Variants in PDGFRB observed in about 807,000 individuals in gnomAD.
PDGFRB encodes the protein platelet derived growth factor receptor beta.
PDGFRB carries 42 observed loss-of-function variants against 120.2 expected under a neutral mutation model. The observed-to-expected ratio is 0.35, with a 90% CI of 0.27 to 0.45. The LOEUF (loss-of-function observed/expected upper bound fraction) is 0.45, where lower values mean the gene tolerates loss of function less well. Among genes scored for constraint, PDGFRB ranks in the 20% least tolerant of loss-of-function variants. The probability of loss-of-function intolerance (pLI) is 1.00; values close to 1 mark genes in which losing one functional copy is unlikely to be tolerated. For synonymous variants in PDGFRB, 586 were observed against 606.8 expected (o/e 0.97, Z 0.50); for missense variants, 1,149 against 1,476.3 (o/e 0.78, Z 3.63).
In PDGFRB at chr5:150,126,873, C is replaced by G. The variant is rs143975754; in HGVS notation, c.1580-259G>C. Reference sequence around the variant, plus strand: ...TCCACGTCCCTTCAGCCCTGCCAGTCAGTCTGGCCTTGCTGCCAGAGCTCT... The same window carrying G: ...TCCACGTCCCTTCAGCCCTGCCAGTGAGTCTGGCCTTGCTGCCAGAGCTCT... On this transcript the variant is annotated intron_variant, in intron 10 of 22. Coordinates refer to ENST00000261799, the MANE Select transcript of PDGFRB (RefSeq NM_002609.4). Among the ~76,000 whole-genome samples the G allele has an allele frequency of 4.9e-3, 752 of 152,352 alleles. 4 individuals carry two copies. The highest frequency in any genetic ancestry group is 0.016 in the African/African-American group (676 of 41,580).
rs1159899108 is a variant in PDGFRB, at chr5:150,135,813, T to A, written c.106A>T (p.Thr36Ser). ...AGGACAAGCTCTGGCCCCGGGGGTG[T>A]GACGACCAGGCCCTGAGAGATCTGT... is the stretch of plus-strand genomic sequence containing the variant. ...EPQISQGLVV[T>S]PPGPELVLNV... is the part of the protein sequence containing the mutation. The change falls in exon 3 of 23, where the codon ACA (threonine) becomes TCA (serine). Residue 36 changes from threonine to serine, a missense_variant. Coordinates refer to ENST00000261799, the MANE Select transcript of PDGFRB (RefSeq NM_002609.4). 3 of 1,584,098 alleles carry A rather than the reference T, an allele frequency of 1.9e-6. No homozygotes were observed. The highest frequency in any genetic ancestry group is 1.7e-6 in the Non-Finnish European group (2 of 1,165,240).
intron 2 of PDGFRB, among the ~76,000 whole-genome samples, chr5:150,136,143 G>A (rs1760624435): frequency 6.6e-6 from 1 of 152,232 alleles, no homozygotes; most frequent in Admixed American, 6.5e-5. Context: ...GTAGGCAGTA[G>A]GCACCAGAAG....
At chr5:150,118,098 T>G (rs1760018790) in intron 21 of PDGFRB, among the ~76,000 whole-genome samples, 1 of 152,110 alleles carries the variant, frequency 6.6e-6, no homozygotes, top group Non-Finnish European at 1.5e-5. Context: ...ACTCTAACTC[T>G]TCCCCCACTT....
intron 2 of PDGFRB, among the ~76,000 whole-genome samples, chr5:150,136,433 C>G (rs1760634548): frequency 6.6e-6 from 1 of 152,132 alleles, no homozygotes; most frequent in African/African-American, 2.4e-5. Context: ...TCCACGACAT[C>G]CCCTGGAGAA....
chr5:150,115,202 T>A lies in PDGFRB; in HGVS notation c.*561A>T. On this transcript the variant is annotated 3_prime_UTR_variant, in exon 23 of 23. Coordinates refer to ENST00000261799, the MANE Select transcript of PDGFRB (RefSeq NM_002609.4). ...GGGCCAGGGAACGCAGGGACTGGCA[T>A]CATAGGGAGGAGACTGGCTTTCTTC... 4.3e-6 allele frequency: 1 copy of A among 233,078 alleles called. No individual in the cohort carries two copies. 14.4% of individuals were successfully genotyped at this position (233,078 alleles called of 1,614,324 possible).
chr5:150,143,235 G>A (rs1760828746), intron 1 of PDGFRB, among the ~76,000 whole-genome samples: 1 of 152,340 alleles, frequency 6.6e-6, no homozygotes, highest in Admixed American at 6.5e-5. Flanking sequence ...TAATGTTTTT[G>A]GACCACAGTT....
At position 150,134,844 on chromosome 5, in the gene PDGFRB, A is replaced by G; in HGVS notation, c.537T>C (p.Phe179=). Residue 179 remains phenylalanine, a synonymous_variant, in exon 4 of 23, where the codon TTT becomes TTC. Transcript: ENST00000261799. ...AGCTTCTGTCCTCAAAGATACCAGA[A>G]AAGCCACGTTGGTGATCATAGGGGA... ...LPVPYDHQRG[F]SGIFEDRSYI... The G allele has an allele frequency of 6.2e-7, 1 of 1,614,204 alleles. No individual in the cohort carries two copies. The highest frequency in any genetic ancestry group is 8.5e-7 in the Non-Finnish European group (1 of 1,180,042).
chr5:150,136,532 C>T (rs1343682807), intron 2 of PDGFRB, among the ~76,000 whole-genome samples: 7 of 152,158 alleles, frequency 4.6e-5, no homozygotes, highest in Admixed American at 1.3e-4. Flanking sequence ...ATCTTATGGC[C>T]AGCTGCCGGG....
chr5:150,152,582 C>T (rs1761106146), intron 1 of PDGFRB, among the ~76,000 whole-genome samples: 1 of 152,226 alleles, frequency 6.6e-6, no homozygotes, highest in Admixed American at 6.5e-5. Flanking sequence ...TTTCTCCCTT[C>T]CCACTGCATT....
Position 150,132,899 on chromosome 5 carries a change from T to C in PDGFRB, c.978A>G (p.Gln326=), listed in dbSNP as rs1228170658. ...VRLLGEVGTL[Q]FAELHRSRTL... is the part of the protein sequence containing the mutation. ...TCCGGCTCCGATGCAGCTCAGCAAA[T>C]TGTAGTGTGCCCACCTCTCCCAGGA... Residue 326 remains glutamine, a synonymous_variant, in exon 7 of 23, where the codon CAA becomes CAG. Coordinates refer to ENST00000261799, the MANE Select transcript of PDGFRB (RefSeq NM_002609.4). This position sits in a 1 kb window ranked among gnomAD's most constrained non-coding sequence, Gnocchi z 5.0. 3.2e-6 allele frequency: 5 copies of C among 1,586,394 alleles called. No homozygotes were observed. Among genetic ancestry groups the C allele is most frequent in the South Asian group, 2.3e-5 (2 of 87,302 alleles).
intron 8 of PDGFRB, 38 bp from the exon 9 acceptor site, chr5:150,130,700 T>TCAGGACAGTTAA: frequency 6.2e-7 from 1 of 1,606,160 alleles, no homozygotes; most frequent in Non-Finnish European, 8.5e-7. Context: ...GGCGGGAGGG[T>TCAGGACAGTTAA]CAGGACAGTT....
Position 150,132,177 on chromosome 5 carries a change from C to T in PDGFRB, c.1128-83G>A. ...CCTCCTGGTATAAAGAGGAACAAGGCCCAGGGAGGGGAAGGGCTTGCCAAG... is the reference window on the plus strand; with the variant it reads ...CCTCCTGGTATAAAGAGGAACAAGGTCCAGGGAGGGGAAGGGCTTGCCAAG... On this transcript the variant is annotated intron_variant, in intron 7 of 22. Coordinates refer to ENST00000261799, the MANE Select transcript of PDGFRB (RefSeq NM_002609.4). This position sits in a 1 kb window ranked among gnomAD's most constrained non-coding sequence, Gnocchi z 5.0. The T allele has an allele frequency of 2.7e-6, 2 of 745,734 alleles. No individual in the cohort carries two copies. The highest frequency in any genetic ancestry group is 2.3e-5 in the Admixed American group (1 of 43,972). 46.2% of individuals were successfully genotyped at this position (745,734 alleles called of 1,614,324 possible).
At position 150,132,107 on chromosome 5, in the gene PDGFRB, A is replaced by C. The variant is rs1233675397; in HGVS notation, c.1128-13T>G. Reference sequence around the variant, plus strand: ...CTCTGACACATACCTGGGGAGCAGGAAAGGCAGCTGTCAGAGTCGGAAGGA... The same window carrying C: ...CTCTGACACATACCTGGGGAGCAGGCAAGGCAGCTGTCAGAGTCGGAAGGA... On this transcript the variant is annotated splice_polypyrimidine_tract_variant and intron_variant, in intron 7 of 22. Transcript: ENST00000261799. This position sits in a 1 kb window ranked among gnomAD's most constrained non-coding sequence, Gnocchi z 5.0. 2.8e-6 allele frequency: 4 copies of C among 1,444,610 alleles called. No individual in the cohort carries two copies. Among genetic ancestry groups the C allele is most frequent in the Non-Finnish European group, 3.9e-6 (4 of 1,026,022 alleles). The allele number at this position is 1,444,610 out of a possible 1,614,324, so 89.5% of individuals were successfully genotyped here.
intron 21 of PDGFRB, 43 bp from the exon 22 acceptor site, chr5:150,117,893 G>C (rs767413743): frequency 1.8e-6 from 2 of 1,129,420 alleles, no homozygotes; most frequent in East Asian, 5.0e-5. Flanking sequence ...GGGATGGTCA[G>C]GCCAGAAATG....
intron 1 of PDGFRB, among the ~76,000 whole-genome samples, chr5:150,144,924 A>T (rs2113925035): frequency 6.6e-6 from 1 of 152,202 alleles, no homozygotes; most frequent in African/African-American, 2.4e-5. Flanking sequence ...CAACAGCCTT[A>T]AAAATAACAA....
chr5:150,127,222 T>C (rs758121914), intron 10 of PDGFRB, among the ~76,000 whole-genome samples: 1 of 152,208 alleles, frequency 6.6e-6, no homozygotes, highest in African/African-American at 2.4e-5. Context: ...GGGCTCACAC[T>C]GGCCCTTACA....
At chr5:150,124,425 G>T in intron 13 of PDGFRB, 65 bp from the exon 14 acceptor site, 1 of 1,200,832 alleles carries the variant, frequency 8.3e-7, no homozygotes, top group Non-Finnish European at 1.2e-6. Context: ...CCCACCACAG[G>T]AGCCTATTCT....
chr5:150,143,165 C>T (rs889951943), intron 1 of PDGFRB, among the ~76,000 whole-genome samples: 2 of 152,234 alleles, frequency 1.3e-5, no homozygotes. Context: ...TTTCATCACA[C>T]TACTCAGAAC....
rs1323501605 is a variant in PDGFRB at position 150,130,451 on chromosome 5, CAAG to C, written c.1367+85_1367+87del. The C allele has an allele frequency of 6.0e-6, 8 of 1,323,356 alleles. No individual in the cohort carries two copies. The African/African-American group carries it at 7.3e-5, about 12-fold the overall frequency. The allele number at this position is 1,323,356 out of a possible 1,614,324, so 82.0% of individuals were successfully genotyped here. On this transcript the variant is annotated intron_variant, in intron 9 of 22. Transcript: ENST00000261799. The stretch of plus-strand genomic sequence containing the variant: ...CAACTCTATGCCCGGAACAATATGC[CAAG>C]AAGAACGGGCGGGACTAGATAACCT...
Sources: allele counts gnomAD v4.1 joint callset (sites outside exome capture counted in the v4.1 genomes callset), GRCh38; gene constraint gnomAD v4.1.1; non-coding constraint Gnocchi (gnomAD v3.1); transcripts MANE v1.5; gene names NCBI Gene and HGNC (gene_info 2026-07-23, HGNC 2026-07-21).